GDAP1: variants seen among roughly 807,000 people sequenced by gnomAD.
GDAP1 encodes ganglioside induced differentiation associated protein 1, also known as ganglioside-induced differentiation-associated protein 1.
In GDAP1, 34 loss-of-function variants were observed where a neutral mutation model predicts 40.1. The observed-to-expected ratio is 0.85, with a 90% CI of 0.64 to 1.13. The LOEUF is 1.13. GDAP1 is among the 50% of genes most tolerant of loss of function. The probability of loss-of-function intolerance (pLI) is 0.00; values close to 1 mark genes in which losing one functional copy is unlikely to be tolerated. For synonymous variants in GDAP1, 170 were observed against 157.4 expected (o/e 1.08, Z -0.60); for missense variants, 374 against 433.7 (o/e 0.86, Z 1.22).
In GDAP1 at chr8:74,363,012, A is replaced by G. The variant is rs556827873; in HGVS notation, c.653A>G (p.Gln218Arg). The G allele has an allele frequency of 1.9e-6, 3 of 1,580,358 alleles. No individual in the cohort carries two copies. Among genetic ancestry groups the G allele is most frequent in the Non-Finnish European group, 1.7e-6 (2 of 1,149,454 alleles). ...ILDELEKVLD[Q>R]VETELQRRNE... ...GATGAGTTGGAGAAAGTCTTGGATC[A>G]GGTTGAAACTGAATTGCAAAGAAGA... Residue 218 changes from glutamine (Q) to arginine (R), a missense_variant, in exon 5 of 6, where the codon CAG becomes CGG. Transcript: ENST00000220822.
In GDAP1 at chr8:74,417,693, G is replaced by T. The variant is rs556147854; in HGVS notation, c.165+66372G>T. ...AATTGCTTCAACCCAGGAGGCGGAG[G>T]TTGCAGTGAGCTGAGATTGTGCCAT... On this transcript the variant is annotated intron_variant, in intron 2 of 2. Coordinates refer to the GDAP1 transcript ENST00000523640. 4.2e-5 allele frequency among the ~76,000 whole-genome samples: 6 copies of T among 141,960 alleles called. No homozygotes were observed. In the Admixed American group the frequency reaches 4.3e-4, roughly 10 times the overall value. 93.1% of individuals were successfully genotyped at this position (141,960 alleles called of 152,430 possible).
intron 2 of GDAP1, among the ~76,000 whole-genome samples, chr8:74,435,957 A>G (rs774827845): frequency 1.2e-4 from 18 of 152,246 alleles, no homozygotes; most frequent in Non-Finnish European, 2.2e-4. Context: ...CATTCCAAGC[A>G]TGTCAAGAAT....
chr8:74,447,630 C>A (rs1806248233), intron 2 of GDAP1, among the ~76,000 whole-genome samples: 1 of 152,100 alleles, frequency 6.6e-6, no homozygotes. Context: ...CACACACACT[C>A]AGATTCCCCC....
intron 2 of GDAP1, among the ~76,000 whole-genome samples, chr8:74,404,901 C>T (rs560524563): frequency 3.3e-5 from 5 of 149,940 alleles, no homozygotes; most frequent in South Asian, 4.1e-4. Flanking sequence ...TTATATAAAA[C>T]GGTGTAGTAT....
downstream of GDAP1, among the ~76,000 whole-genome samples, chr8:74,368,773 A>G (rs537787908): frequency 5.3e-5 from 8 of 152,260 alleles, no homozygotes; most frequent in Non-Finnish European, 7.4e-5. Flanking sequence ...GGCCCTATTG[A>G]TATTGTAAAC....
At chr8:74,417,436 A>G (rs2131556959) in intron 2 of GDAP1, among the ~76,000 whole-genome samples, 1 of 150,296 alleles carries the variant, frequency 6.7e-6, no homozygotes, top group East Asian at 1.9e-4. Flanking sequence ...TAGAGAAAAA[A>G]TAAAAGTGTC....
At chr8:74,356,888 G>A (rs539724547) in intron 2 of GDAP1, among the ~76,000 whole-genome samples, 3 of 151,584 alleles carry the variant, frequency 2.0e-5, no homozygotes, top group Non-Finnish European at 2.9e-5. Flanking sequence ...CTAATTTTTT[G>A]TATTTTAGTA....
chr8:74,488,314 A>G (rs1390266004), intron 2 of GDAP1, among the ~76,000 whole-genome samples: 1 of 152,182 alleles, frequency 6.6e-6, no homozygotes, highest in Admixed American at 6.5e-5. Flanking sequence ...TTTCCAAAAT[A>G]TCACTGTTGG....
At chr8:74,455,533 A>G (rs987130489) in intron 2 of GDAP1, among the ~76,000 whole-genome samples, 3 of 152,012 alleles carry the variant, frequency 2.0e-5, no homozygotes, top group Admixed American at 1.3e-4. Flanking sequence ...CATTCATTTA[A>G]CACATAATTA....
intron 2 of GDAP1, among the ~76,000 whole-genome samples, chr8:74,399,157 C>T (rs1056249045): frequency 7.9e-5 from 12 of 151,946 alleles, no homozygotes; most frequent in African/African-American, 1.7e-4. Flanking sequence ...TGGTTGAATT[C>T]GGCTGTCAAT....
At chr8:74,439,679 T>A (rs1227769782) in intron 2 of GDAP1, among the ~76,000 whole-genome samples, 5 of 151,972 alleles carry the variant, frequency 3.3e-5, no homozygotes, top group African/African-American at 1.2e-4. Flanking sequence ...TATATTTTGC[T>A]GAGAATTTAT....
chr8:74,356,716 A>ATATATATATATTTTTTTTTTTTT (rs375377157), intron 2 of GDAP1, among the ~76,000 whole-genome samples: 5 of 104,336 alleles, frequency 4.8e-5, no homozygotes, highest in African/African-American at 1.2e-4. Context: ...ATATATATAT[A>ATATATATATATTTTTTTTTTTTT]TTTTTTTTTT....
intron 2 of GDAP1, among the ~76,000 whole-genome samples, chr8:74,351,995 T>A (rs571516750): frequency 1.3e-5 from 2 of 152,340 alleles, no homozygotes; most frequent in South Asian, 4.1e-4. Flanking sequence ...GGTAAATCAT[T>A]TATTAACAGC....
At chr8:74,412,355 A>C (rs1421795634) in intron 2 of GDAP1, among the ~76,000 whole-genome samples, 2 of 150,226 alleles carry the variant, frequency 1.3e-5, no homozygotes, top group Non-Finnish European at 2.9e-5. Flanking sequence ...GAAGTTCCAG[A>C]AAGAGCAAAG....
At chr8:74,370,175 A>C (rs956350035), downstream of GDAP1, among the ~76,000 whole-genome samples, 12 of 152,260 alleles carry the variant, frequency 7.9e-5, no homozygotes, top group Admixed American at 7.9e-4. Context: ...TAATGGGTAC[A>C]TATAAAGACT....
chr8:74,391,592 A>G (rs1428178023), intron 2 of GDAP1, among the ~76,000 whole-genome samples: 2 of 151,680 alleles, frequency 1.3e-5, no homozygotes, highest in African/African-American at 4.8e-5. Flanking sequence ...CGTTGATCTC[A>G]CTGGGAGCTG....
intron 1 of GDAP1, 66 bp downstream of exon 1, chr8:74,350,644 G>T (rs1252633354): frequency 2.0e-6 from 2 of 1,017,300 alleles, no homozygotes; most frequent in Non-Finnish European, 3.1e-6. Flanking sequence ...AGCTCCTTCT[G>T]AGTCCCGCCC....
Position 74,417,529 on chromosome 8 carries a change from C to A in GDAP1, c.165+66208C>A, listed in dbSNP as rs758825086. ...TGATCCACCCGCCTAGGCCTTCTTC[C>A]AAAGTACTGGGATTACAGGCGTGAG... On this transcript the variant is annotated intron_variant, in intron 2 of 2. Transcript: ENST00000523640. 5.7e-4 allele frequency among the ~76,000 whole-genome samples: 85 copies of A among 149,926 alleles called. 3 individuals carry two copies. Among genetic ancestry groups the A allele is most frequent in the Middle Eastern group, 6.4e-3 (2 of 314 alleles).
At chr8:74,356,717 T>TATA (rs1554547167) in intron 2 of GDAP1, among the ~76,000 whole-genome samples, 5,064 of 22,190 alleles carry the variant, frequency 0.23, 465 homozygotes, top group African/African-American at 0.34. Context: ...TATATATATA[T>TATA]TTTTTTTTTT....
Sources: allele counts gnomAD v4.1 joint callset (sites outside exome capture counted in the v4.1 genomes callset), GRCh38; gene constraint gnomAD v4.1.1; transcripts MANE v1.5; gene names NCBI Gene and HGNC (gene_info 2026-07-23, HGNC 2026-07-21).